BTBD1: variants seen among roughly 807,000 people sequenced by gnomAD.
The protein encoded by BTBD1 is BTB/POZ domain-containing protein 1.
A neutral mutation model predicts 48.0 loss-of-function variants in BTBD1; 34 were observed. The observed-to-expected ratio is 0.71, with a 90% CI of 0.54 to 0.94. The LOEUF is 0.94. Ranked by LOEUF, BTBD1 falls within the 40% of genes least tolerant of loss-of-function variation. The pLI is 0.00. For synonymous variants in BTBD1, 261 were observed against 242.1 expected (o/e 1.08, Z -0.72); for missense variants, 543 against 625.6 (o/e 0.87, Z 1.41).
chr15:83,030,500 G>A, intron 4 of BTBD1, 172 bp from the exon 5 acceptor site: 2 of 575,508 alleles, frequency 3.5e-6, no homozygotes, highest in Non-Finnish European at 6.1e-6. Context: ...ATCCATTTGA[G>A]GTTAAACACA....
intron 4 of BTBD1, among the ~76,000 whole-genome samples, chr15:83,038,254 A>G (rs919292862): frequency 6.6e-6 from 1 of 152,194 alleles, no homozygotes; most frequent in African/African-American, 2.4e-5. Flanking sequence ...TGTCCACACA[A>G]AAAATAAAAT....
At chr15:83,056,646 TTTATG>T (rs1288382102) in intron 1 of BTBD1, 101 bp from the exon 2 acceptor site, 1 of 1,063,238 alleles carries the variant, frequency 9.4e-7, no homozygotes, top group Non-Finnish European at 1.3e-6. Context: ...ATATTTTTAT[TTTATG>T]TTTTCATCCA....
chr15:83,044,686 C>T (rs558967196), intron 3 of BTBD1: 1 of 1,492,884 alleles, frequency 6.7e-7, no homozygotes, highest in East Asian at 2.3e-5. Context: ...AACACAATAA[C>T]AAGAAAACTG....
In BTBD1 at chr15:83,030,174, T is replaced by A; in HGVS notation, c.1017A>T (p.Glu339Asp). 1 of 1,614,014 alleles carries A rather than the reference T, an allele frequency of 6.2e-7. No individual in the cohort carries two copies. Among genetic ancestry groups the A allele is most frequent in the Non-Finnish European group, 8.5e-7 (1 of 1,180,008 alleles). ...ECCINRFQQV[E>D]SRWGYSGTSD... ...TCGTCCCACTGTAACCCCAGCGGCT[T>A]TCTACTTGCTGGAATCTATTGATGC... The change falls in exon 5 of 8, where the codon GAA (glutamate) becomes GAT (aspartate). Residue 339 changes from glutamate (E) to aspartate (D), a missense_variant. Glu to Asp is a conservative substitution (Grantham distance 45, BLOSUM62 2). Around this residue, in one of 3 missense-constraint regions of BTBD1, gnomAD observed 300 missense variants for 350.0 expected, o/e 0.86. Transcript: ENST00000261721.
At chr15:83,054,381 A>G (rs1360745088) in intron 2 of BTBD1, among the ~76,000 whole-genome samples, 1 of 152,072 alleles carries the variant, frequency 6.6e-6, no homozygotes, top group African/African-American at 2.4e-5. Context: ...ATATTAAACT[A>G]CATCACAGCA....
chr15:83,049,538 C>A (rs1239562854), intron 3 of BTBD1, among the ~76,000 whole-genome samples: 1 of 152,112 alleles, frequency 6.6e-6, no homozygotes, highest in Non-Finnish European at 1.5e-5. Flanking sequence ...TTACTTTCTA[C>A]ATATCTAATT....
intron 3 of BTBD1, among the ~76,000 whole-genome samples, chr15:83,043,159 A>G (rs1240525467): frequency 1.3e-5 from 2 of 152,166 alleles, no homozygotes; most frequent in Admixed American, 1.3e-4. Flanking sequence ...AATAAAATAA[A>G]ATAAAATCGG....
At chr15:83,066,708 GC>G in intron 1 of BTBD1, 42 bp downstream of exon 1, 4 of 1,162,752 alleles carry the variant, frequency 3.4e-6, no homozygotes, top group Non-Finnish European at 4.4e-6. Context: ...GCCCGGCCCG[GC>G]CCGGCCCGGC....
intron 3 of BTBD1, among the ~76,000 whole-genome samples, chr15:83,047,753 G>T (rs1001288868): frequency 6.6e-6 from 1 of 152,186 alleles, no homozygotes; most frequent in Admixed American, 6.5e-5. Context: ...TCTGTTATAT[G>T]AGCGTGAAAT....
rs189274212 is a variant in BTBD1, at chr15:83,044,355, G to A, written c.665-2430C>T. On this transcript the variant is annotated intron_variant, in intron 3 of 7. Transcript: ENST00000261721. ...GCAACCCTGCTCTGCATGCCCGCCC[G>A]CCCGTGCCCACCATGGCCACAGTTC... 1.6e-3 allele frequency: 2,335 copies of A among 1,446,134 alleles called. 18 individuals are homozygous for A. Among genetic ancestry groups the A allele is most frequent in the African/African-American group, 0.01 (718 of 71,124 alleles). The allele number at this position is 1,446,134 out of a possible 1,614,324, so 89.6% of individuals were successfully genotyped here.
At chr15:83,019,647 G>A (rs1396234617) in intron 6 of BTBD1, among the ~76,000 whole-genome samples, 1 of 146,210 alleles carries the variant, frequency 6.8e-6, no homozygotes, top group African/African-American at 2.5e-5. Flanking sequence ...GGAAGGCAGT[G>A]GCATGACCTT....
chr15:83,031,136 CCCCA>C (rs1370170574), intron 4 of BTBD1, among the ~76,000 whole-genome samples: 1 of 152,130 alleles, frequency 6.6e-6, no homozygotes, highest in Non-Finnish European at 1.5e-5. Flanking sequence ...TAGTTTACAG[CCCCA>C]CCAACAGTGT....
intron 1 of BTBD1, 132 bp from the exon 2 acceptor site, chr15:83,056,677 AC>A: frequency 2.0e-6 from 1 of 507,046 alleles, no homozygotes; most frequent in Non-Finnish European, 3.1e-6. Context: ...CCACCCACCC[AC>A]CCACCCACCC....
intron 4 of BTBD1, among the ~76,000 whole-genome samples, chr15:83,038,191 C>T (rs1005272989): frequency 2.6e-5 from 4 of 152,134 alleles, no homozygotes; most frequent in Non-Finnish European, 5.9e-5. Context: ...CATTTCTATA[C>T]GCCAGTAACG....
chr15:83,050,640 A>G lies in BTBD1; in HGVS notation c.559-462T>C, dbSNP rs183910860. ...ACTTAAATCTTATAGTCTTTTCACT[A>G]ATTATAATATCAATTGTCAAGCACA... On this transcript the variant is annotated intron_variant, in intron 2 of 7. Transcript: ENST00000261721. Among the ~76,000 whole-genome samples the G allele has an allele frequency of 3.3e-5, 5 of 152,256 alleles. No individual in the cohort carries two copies. The East Asian group carries it at 7.7e-4, about 24-fold the overall frequency.
chr15:83,023,021 G>A (rs28569354), intron 5 of BTBD1, among the ~76,000 whole-genome samples: 12,208 of 151,860 alleles, frequency 0.08, 549 homozygotes, highest in African/African-American at 0.11. Flanking sequence ...TAAATAAGAG[G>A]AAAATTTTAA....
At chr15:83,018,270 CA>C in intron 7 of BTBD1, 45 bp from the exon 8 acceptor site, 1 of 1,441,660 alleles carries the variant, frequency 6.9e-7, no homozygotes, top group Non-Finnish European at 9.3e-7. Flanking sequence ...ATTTAATAAG[CA>C]CTCAGTTTAA....
At chr15:83,050,575 T>A (rs2032963464) in intron 2 of BTBD1, among the ~76,000 whole-genome samples, 1 of 152,158 alleles carries the variant, frequency 6.6e-6, no homozygotes, top group Non-Finnish European at 1.5e-5. Flanking sequence ...GTACAGTGAC[T>A]TGCCTAAGAT....
intron 5 of BTBD1, among the ~76,000 whole-genome samples, chr15:83,027,288 G>A (rs895452979): frequency 1.3e-5 from 2 of 152,232 alleles, no homozygotes; most frequent in African/African-American, 2.4e-5. Context: ...GGAGGTGGAC[G>A]TTGCAGTGAG....
Sources: allele counts gnomAD v4.1 joint callset (sites outside exome capture counted in the v4.1 genomes callset), GRCh38; gene constraint gnomAD v4.1.1; regional missense constraint gnomAD v4.1.1; transcripts MANE v1.5; gene names NCBI Gene and HGNC (gene_info 2026-07-23, HGNC 2026-07-21).